Variants in CYFIP2 observed in about 807,000 individuals in gnomAD.
CYFIP2 encodes cytoplasmic FMR1 interacting protein 2.
CYFIP2 carries 29 observed loss-of-function variants against 158.7 expected under a neutral mutation model. The observed-to-expected ratio is 0.18, with a 90% CI of 0.14 to 0.25. The LOEUF (loss-of-function observed/expected upper bound fraction) is 0.25, where lower values mean the gene tolerates loss of function less well. Ranked by LOEUF, CYFIP2 falls within the 10% of genes least tolerant of loss-of-function variation. The pLI is 1.00. For synonymous variants in CYFIP2, 585 were observed against 617.6 expected (o/e 0.95, Z 0.78); for missense variants, 852 against 1,639.5 (o/e 0.52, Z 8.29).
At chr5:157,387,077 TAA>T (rs1766774099) in intron 28 of CYFIP2, among the ~76,000 whole-genome samples, 1 of 151,878 alleles carries the variant, frequency 6.6e-6, no homozygotes, top group African/African-American at 2.4e-5. Context: ...TTGAAAGAAA[TAA>T]GTTGAAGTTA....
At chr5:157,390,292 G>A (rs147880124) in intron 29 of CYFIP2, among the ~76,000 whole-genome samples, 2 of 150,456 alleles carry the variant, frequency 1.3e-5, no homozygotes, top group African/African-American at 4.9e-5. Context: ...TTTTACATTA[G>A]TGATGCAAAT....
At chr5:157,275,906 G>A (rs1756504495) in intron 1 of CYFIP2, among the ~76,000 whole-genome samples, 1 of 152,108 alleles carries the variant, frequency 6.6e-6, no homozygotes, top group South Asian at 2.1e-4. Flanking sequence ...TATTTTTGAT[G>A]CTACTATAAA....
At chr5:157,337,012 AG>A (rs1435293516) in intron 21 of CYFIP2, among the ~76,000 whole-genome samples, 2 of 152,236 alleles carry the variant, frequency 1.3e-5, no homozygotes, top group African/African-American at 4.8e-5. Context: ...CTGAAGTCAC[AG>A]AACGATAACA....
Position 157,314,920 on chromosome 5 carries a change from T to TGTCC in CYFIP2, c.1231-46_1231-43dup. Reference sequence around the variant, plus strand: ...TTGCATGGATCCACCACATTCTGTTTGTCCGTTCATCAGTTGATGGACGTT... The same window carrying TGTCC: ...TTGCATGGATCCACCACATTCTGTTTGTCCGTCCGTTCATCAGTTGATGGACGTT... On this transcript the variant is annotated intron_variant, in intron 12 of 30. Transcript: ENST00000620254. 4.3e-6 allele frequency: 6 copies of TGTCC among 1,398,446 alleles called. No individual in the cohort carries two copies. The South Asian group carries it at 6.2e-5, about 14-fold the overall frequency. The allele number at this position is 1,398,446 out of a possible 1,614,324, so 86.6% of individuals were successfully genotyped here.
intron 15 of CYFIP2, 104 bp from the exon 16 acceptor site, chr5:157,323,817 A>G: frequency 7.9e-7 from 1 of 1,270,866 alleles, no homozygotes. Flanking sequence ...TTAAGAGCAG[A>G]CATCTGCAGA....
At position 157,324,074 on chromosome 5, in the gene CYFIP2, G is replaced by A; in HGVS notation, c.1825G>A (p.Glu609Lys). ...CTTCACACATCTGCTCAACATCAGT[G>A]GTGAGCTGCATCCCATCCCTGCTAA... is the stretch of plus-strand genomic sequence containing the variant. ...FFFTHLLNIS[E>K]ALQQCCDLSQ... is the part of the protein sequence containing the mutation. The change falls in exon 16 of 31, where the codon GAA becomes AAA. Residue 609 changes from glutamate to lysine, a missense_variant and splice_region_variant. Glu to Lys is a moderately conservative substitution (Grantham distance 56). Coordinates refer to ENST00000620254, the MANE Select transcript of CYFIP2 (RefSeq NM_001037333.3). 1 of 1,610,424 alleles carries A rather than the reference G, an allele frequency of 6.2e-7. No homozygotes were observed. The highest frequency in any genetic ancestry group is 8.5e-7 in the Non-Finnish European group (1 of 1,178,080).
chr5:157,325,750 C>T (rs1760972252), intron 17 of CYFIP2, 112 bp downstream of exon 17: 2 of 1,122,962 alleles, frequency 1.8e-6, no homozygotes, highest in East Asian at 5.3e-5. Context: ...AGAAATGAGG[C>T]CATATGTCCC....
intron 23 of CYFIP2, among the ~76,000 whole-genome samples, chr5:157,354,515 T>A (rs1219824277): frequency 6.6e-6 from 1 of 152,096 alleles, no homozygotes; most frequent in Non-Finnish European, 1.5e-5. Context: ...AGTGTGTGTG[T>A]ACTTTTCAGC....
chr5:157,377,597 C>G (rs544118569), intron 26 of CYFIP2, among the ~76,000 whole-genome samples: 5 of 152,186 alleles, frequency 3.3e-5, no homozygotes, highest in Non-Finnish European at 7.3e-5. Flanking sequence ...TGCATCTGGT[C>G]TCCCTCACCT....
At chr5:157,296,445 TTAGCTGGATA>T (rs749305136) in intron 4 of CYFIP2, 4 of 509,714 alleles carry the variant, frequency 7.8e-6, no homozygotes, top group South Asian at 6.3e-5. Flanking sequence ...ACTACAAAAA[TTAGCTGGATA>T]TAGTGTTGCA....
intron 5 of CYFIP2, among the ~76,000 whole-genome samples, chr5:157,298,442 C>T (rs1758430192): frequency 6.6e-6 from 1 of 151,978 alleles, no homozygotes. Flanking sequence ...AGTGATTCTC[C>T]TGCCTCAGCC....
chr5:157,341,211 T>C, intron 23 of CYFIP2, 54 bp downstream of exon 23: 1 of 1,509,534 alleles, frequency 6.6e-7, no homozygotes, highest in Non-Finnish European at 9.2e-7. Flanking sequence ...AAAAAGCAAA[T>C]AGAAAAGTGT....
intron 30 of CYFIP2, 130 bp from the exon 31 acceptor site, chr5:157,392,702 TA>T: frequency 1.9e-6 from 2 of 1,037,496 alleles, no homozygotes; most frequent in Non-Finnish European, 2.8e-6. Context: ...GGGGATTCCA[TA>T]AAAGGACTTT....
At chr5:157,343,383 C>T (rs1248047075) in intron 23 of CYFIP2, 1 of 1,614,072 alleles carries the variant, frequency 6.2e-7, no homozygotes, top group African/African-American at 1.3e-5. Context: ...GGCACCTTCT[C>T]CTCGTGGTGG....
chr5:157,359,310 G>T (rs1763635243), intron 24 of CYFIP2, among the ~76,000 whole-genome samples, 162 bp downstream of exon 24: 1 of 152,164 alleles, frequency 6.6e-6, no homozygotes, highest in Non-Finnish European at 1.5e-5. Flanking sequence ...TCCCTGGATT[G>T]GTCTTACCTA....
intron 9 of CYFIP2, 40 bp from the exon 10 acceptor site, chr5:157,309,703 C>A: frequency 6.4e-7 from 1 of 1,558,888 alleles, no homozygotes. Context: ...ACCCCAACCC[C>A]TCCTCAGCAT....
Position 157,266,934 on chromosome 5 carries a change from G to C in CYFIP2, c.-24+739G>C, listed in dbSNP as rs772381737. The C allele has an allele frequency of 2.0e-5, 3 of 152,360 alleles. No homozygotes were observed. Among genetic ancestry groups the C allele is most frequent in the Non-Finnish European group, 4.4e-5 (3 of 68,182 alleles). The allele number at this position is 152,360 out of a possible 1,614,324, so 9.4% of individuals were successfully genotyped here. A position where few individuals can be genotyped will look rare whatever the true frequency, so the allele number is the denominator to read the frequency against. ...AAGATGCTTGCCTGTCTGTTGTGGCGTCTACTTTTCAGGTCAGCCCTACCC... is the reference window on the plus strand; with the variant it reads ...AAGATGCTTGCCTGTCTGTTGTGGCCTCTACTTTTCAGGTCAGCCCTACCC... On this transcript the variant is annotated intron_variant, in intron 1 of 30. Coordinates refer to ENST00000620254, the MANE Select transcript of CYFIP2 (RefSeq NM_001037333.3). This position sits in a 1 kb window ranked among gnomAD's most constrained non-coding sequence, Gnocchi z 4.2.
chr5:157,371,972 C>T (rs2441013), intron 26 of CYFIP2, among the ~76,000 whole-genome samples: 99,731 of 151,998 alleles, frequency 0.66, 33,810 homozygotes, highest in African/African-American at 0.74. Flanking sequence ...ACATGCAAAA[C>T]TACTGAATCA....
At chr5:157,343,074 C>T (rs1359367900) in intron 23 of CYFIP2, 1 of 1,613,806 alleles carries the variant, frequency 6.2e-7, no homozygotes, top group Admixed American at 1.7e-5. Flanking sequence ...AACCCATTGG[C>T]CTCCTCCATG....
Sources: allele counts gnomAD v4.1 joint callset (sites outside exome capture counted in the v4.1 genomes callset), GRCh38; gene constraint gnomAD v4.1.1; non-coding constraint Gnocchi (gnomAD v3.1); transcripts MANE v1.5; gene names NCBI Gene and HGNC (gene_info 2026-07-23, HGNC 2026-07-21).